ANKRD11: variants seen among roughly 807,000 people sequenced by gnomAD.
ANKRD11 encodes ankyrin repeat domain 11.
Under a neutral mutation model 195.7 loss-of-function variants are expected in ANKRD11, and 17 were observed. That is an observed-to-expected ratio of 0.09 (90% CI 0.06 to 0.13). ANKRD11 has a LOEUF of 0.13. Among genes scored for constraint, ANKRD11 ranks in the 10% least tolerant of loss-of-function variants. The pLI is 1.00. For synonymous variants in ANKRD11, 1,953 were observed against 1,528.1 expected (o/e 1.28, Z -6.49); for missense variants, 3,735 against 3,566.1 (o/e 1.05, Z -1.21).
chr16:89,397,027 T>C (rs1471816311), intron 2 of ANKRD11, among the ~76,000 whole-genome samples: 2 of 152,144 alleles, frequency 1.3e-5, no homozygotes, highest in African/African-American at 4.8e-5. Context: ...TACAGGATTT[T>C]TTTTTTTTTA....
chr16:89,387,298 G>A (rs1391906433), intron 2 of ANKRD11, among the ~76,000 whole-genome samples: 6 of 152,004 alleles, frequency 3.9e-5, no homozygotes, highest in Admixed American at 6.5e-5. Flanking sequence ...CAGAAGGAAG[G>A]GGCTGCGTCT....
At chr16:89,277,358 G>C (rs1269277462) in intron 9 of ANKRD11, 2 of 152,398 alleles carry the variant, frequency 1.3e-5, no homozygotes, top group Admixed American at 6.5e-5. Flanking sequence ...ACCTGGGCCT[G>C]CCTGGGTCTA....
Position 89,290,692 on chromosome 16 carries a change from G to A in ANKRD11, c.534C>T (p.Arg178=), listed in dbSNP as rs1028991687. 8.1e-6 allele frequency: 13 copies of A among 1,614,044 alleles called. No individual in the cohort carries two copies. The highest frequency in any genetic ancestry group is 1.7e-4 in the Middle Eastern group (1 of 6,060). The change falls in exon 6 of 13, where the codon CGC becomes CGT. Residue 178 remains arginine (R), a synonymous_variant. Transcript: ENST00000301030. ...GETRLHRAAI[R]GDARRIKELI... ...GCTCTTTGATGCGCCGGGCGTCCCC[G>A]CGGATGGCGGCTCGGTGCAGGCGGG...
In ANKRD11 at chr16:89,280,290, G is replaced by C; in HGVS notation, c.6252C>G (p.Ala2084=). ...EAPLDVAPEP[A]CVAAVAQVEA... is the part of the protein sequence containing the mutation. ...CCACCTGAGCCACAGCGGCTACACA[G>C]GCGGGCTCGGGGGCCACGTCCAGCG... The change falls in exon 9 of 13, where the codon GCC becomes GCG. Residue 2084 remains alanine (A), a synonymous_variant. Coordinates refer to ENST00000301030, the MANE Select transcript of ANKRD11 (RefSeq NM_013275.6). 2 of 1,602,318 alleles carry C rather than the reference G, an allele frequency of 1.2e-6. No individual in the cohort carries two copies. Among genetic ancestry groups the C allele is most frequent in the African/African-American group, 1.3e-5 (1 of 74,724 alleles).
intron 11 of ANKRD11, 37 bp from the exon 12 acceptor site, chr16:89,270,946 C>T: frequency 6.2e-7 from 1 of 1,604,054 alleles, no homozygotes; most frequent in South Asian, 1.1e-5. Flanking sequence ...ATCAGGAGCC[C>T]CAGAGACCGC....
At chr16:89,365,870 C>G (rs2039925196) in intron 2 of ANKRD11, among the ~76,000 whole-genome samples, 3 of 152,016 alleles carry the variant, frequency 2.0e-5, no homozygotes, top group Admixed American at 2.0e-4. Flanking sequence ...CCACCCCCAA[C>G]CCTCAAGCAG....
chr16:89,280,299 G>C lies in ANKRD11; in HGVS notation c.6243C>G (p.Pro2081=). ...SLPEAPLDVA[P]EPACVAAVAQ... ...CCACAGCGGCTACACAGGCGGGCTC[G>C]GGGGCCACGTCCAGCGGGGCTTCCG... Residue 2081 remains proline (P), a synonymous_variant, in exon 9 of 13, where the codon CCC becomes CCG. Transcript: ENST00000301030. 3 of 1,596,802 alleles carry C rather than the reference G, an allele frequency of 1.9e-6. No individual in the cohort carries two copies. The highest frequency in any genetic ancestry group is 2.6e-6 in the Non-Finnish European group (3 of 1,172,168).
At chr16:89,452,311 G>A (rs1395097415) in intron 1 of ANKRD11, among the ~76,000 whole-genome samples, 2 of 151,976 alleles carry the variant, frequency 1.3e-5, no homozygotes, top group Admixed American at 1.3e-4. Flanking sequence ...TTACAGCCAA[G>A]TGCACCCCTT....
intron 2 of ANKRD11, among the ~76,000 whole-genome samples, chr16:89,402,913 C>T (rs1326492662): frequency 2.0e-5 from 3 of 152,236 alleles, no homozygotes; most frequent in Non-Finnish European, 4.4e-5. Flanking sequence ...GCCAGCACTG[C>T]GCCACTCCCA....
At chr16:89,385,395 C>T (rs545933919) in intron 2 of ANKRD11, among the ~76,000 whole-genome samples, 54 of 152,254 alleles carry the variant, frequency 3.5e-4, no homozygotes, top group African/African-American at 1.3e-3. Context: ...TCCCAAAGTG[C>T]TGGGATTACA....
At chr16:89,275,027 C>A in intron 10 of ANKRD11, 66 bp downstream of exon 10, 5 of 1,612,786 alleles carry the variant, frequency 3.1e-6, no homozygotes, top group East Asian at 2.2e-5. Context: ...AACACGACAG[C>A]CCCTGGGGCC....
At chr16:89,286,760 A>G in intron 7 of ANKRD11, 1 of 1,287,098 alleles carries the variant, frequency 7.8e-7, no homozygotes, top group Non-Finnish European at 1.0e-6. Context: ...TGACTGACAG[A>G]GACAACCATG....
chr16:89,326,842 C>T (rs191209961), intron 2 of ANKRD11, among the ~76,000 whole-genome samples: 51 of 152,342 alleles, frequency 3.3e-4, no homozygotes, highest in African/African-American at 1.2e-3. Context: ...AGGGGCTTAA[C>T]ACAAAGCCTG....
intron 4 of ANKRD11, chr16:89,300,896 C>T (rs1246756847): frequency 4.3e-6 from 3 of 701,202 alleles, no homozygotes; most frequent in Admixed American, 2.0e-5. Flanking sequence ...CAGGCAGCTT[C>T]GGCCCATGGC....
chr16:89,337,957 C>T (rs556698225), intron 2 of ANKRD11, among the ~76,000 whole-genome samples: 87 of 152,320 alleles, frequency 5.7e-4, no homozygotes, highest in African/African-American at 2.1e-3. Flanking sequence ...GAGGGTCCAG[C>T]TTCCAAGCTC....
In ANKRD11 at chr16:89,268,568, G is replaced by A. The variant is rs954976019; in HGVS notation, c.7902C>T (p.Ala2634=). ...WQLKVQELDP[A]GHKSLCVNEV... is the part of the protein sequence containing the mutation. Reference sequence around the variant, plus strand: ...CGTTCACGCACAGGGACTTGTGCCCGGCGGGGTCCAGTTCCTGCACCTTCA... The same window carrying A: ...CGTTCACGCACAGGGACTTGTGCCCAGCGGGGTCCAGTTCCTGCACCTTCA... Residue 2634 remains alanine (A), a synonymous_variant, in exon 13 of 13, where the codon GCC becomes GCT. Transcript: ENST00000301030. The A allele has an allele frequency of 7.8e-6, 12 of 1,530,802 alleles. No homozygotes were observed. In the African/African-American group the frequency reaches 1.1e-4, roughly 14 times the overall value. 94.8% of individuals were successfully genotyped at this position (1,530,802 alleles called of 1,614,324 possible). A position where few individuals can be genotyped will look rare whatever the true frequency, so the allele number is the denominator to read the frequency against.
intron 2 of ANKRD11, among the ~76,000 whole-genome samples, chr16:89,406,515 G>A (rs537336723): frequency 3.3e-4 from 50 of 152,328 alleles, no homozygotes; most frequent in African/African-American, 1.2e-3. Context: ...GGCCATGCCC[G>A]GTGTCAGCAC....
chr16:89,461,992 A>G (rs926062059), intron 1 of ANKRD11, among the ~76,000 whole-genome samples: 1 of 151,624 alleles, frequency 6.6e-6, no homozygotes, highest in African/African-American at 2.4e-5. Context: ...TCCGTCTGTC[A>G]CGAGCTTCAT....
At chr16:89,351,578 A>G (rs533234088) in intron 2 of ANKRD11, among the ~76,000 whole-genome samples, 3 of 152,336 alleles carry the variant, frequency 2.0e-5, no homozygotes, top group African/African-American at 2.4e-5. Context: ...TAAGGCATGG[A>G]GACGAAGCTT....
Sources: allele counts gnomAD v4.1 joint callset (sites outside exome capture counted in the v4.1 genomes callset), GRCh38; gene constraint gnomAD v4.1.1; transcripts MANE v1.5; gene names NCBI Gene and HGNC (gene_info 2026-07-23, HGNC 2026-07-21).